Variants in PRELID2 observed in about 807,000 individuals in gnomAD.
PRELID2 encodes PRELI domain containing 2.
A neutral mutation model predicts 28.4 loss-of-function variants in PRELID2; 25 were observed. The observed-to-expected ratio is 0.88, with a 90% CI of 0.64 to 1.23. The LOEUF is 1.23. PRELID2 is among the 50% of genes most tolerant of loss of function. The probability of loss-of-function intolerance (pLI) is 0.00; values close to 1 mark genes in which losing one functional copy is unlikely to be tolerated. For missense variants in PRELID2, 201 were observed against 214.4 expected, an observed-to-expected ratio of 0.94 and a Z score of 0.39; for synonymous variants, 76 against 71.6, an observed-to-expected ratio of 1.06 and a Z score of -0.31.
intron 1 of PRELID2, among the ~76,000 whole-genome samples, chr5:145,650,843 C>T (rs539380799): frequency 1.2e-4 from 18 of 152,056 alleles, no homozygotes; most frequent in South Asian, 4.2e-4. Flanking sequence ...ATGCAGAAGA[C>T]GGATAATTTC....
At chr5:145,739,911 GT>G (rs1447464700) in intron 1 of PRELID2, among the ~76,000 whole-genome samples, 1 of 149,862 alleles carries the variant, frequency 6.7e-6, no homozygotes, top group African/African-American at 2.4e-5. Flanking sequence ...CCTAAAGAAA[GT>G]TTTTAAAAAA....
the PRELID2 span, among the ~76,000 whole-genome samples, chr5:145,326,895 T>C: frequency 5.0e-4 from 76 of 152,188 alleles, no homozygotes; most frequent in Non-Finnish European, 9.4e-4. Context: ...TCTAAGAGCA[T>C]AAAGAAGAAA....
the PRELID2 span, among the ~76,000 whole-genome samples, chr5:145,413,654 ATT>A: frequency 7.2e-6 from 1 of 138,750 alleles, no homozygotes; most frequent in East Asian, 2.0e-4. Context: ...ACACACACAC[ATT>A]ATTTATTATG....
the PRELID2 span, among the ~76,000 whole-genome samples, chr5:145,417,723 A>G: frequency 6.6e-6 from 1 of 152,164 alleles, no homozygotes; most frequent in Non-Finnish European, 1.5e-5. Context: ...CTCTCAATAA[A>G]CTGGATATTG....
the PRELID2 span, among the ~76,000 whole-genome samples, chr5:145,276,476 A>G: frequency 2.0e-5 from 3 of 152,286 alleles, no homozygotes; most frequent in African/African-American, 7.2e-5. Flanking sequence ...AATCCTTCAA[A>G]TATTGGTACT....
chr5:145,551,979 C>T (rs1396673837), intron 1 of PRELID2, among the ~76,000 whole-genome samples: 1 of 152,154 alleles, frequency 6.6e-6, no homozygotes, highest in Non-Finnish European at 1.5e-5. Flanking sequence ...ATGGACTGAA[C>T]CTCTCCTGAA....
At chr5:145,444,186 C>T in the PRELID2 span, among the ~76,000 whole-genome samples, 1 of 151,866 alleles carries the variant, frequency 6.6e-6, no homozygotes, top group African/African-American at 2.4e-5. Flanking sequence ...AAAATTGGCC[C>T]CTTGAGACTA....
the PRELID2 span, among the ~76,000 whole-genome samples, chr5:145,404,195 A>T: frequency 6.6e-5 from 10 of 152,198 alleles, no homozygotes; most frequent in African/African-American, 2.4e-4. Context: ...TGAGTAATAG[A>T]GCAAACACGG....
chr5:145,264,181 A>G, the PRELID2 span, among the ~76,000 whole-genome samples: 3 of 152,170 alleles, frequency 2.0e-5, no homozygotes, highest in African/African-American at 7.2e-5. Flanking sequence ...CAAAACCAGT[A>G]AAGGACATAA....
rs141759058 is a variant in PRELID2, at chr5:145,601,794, A to G, written n.71-128479T>C. On this transcript the variant is annotated intron_variant and non_coding_transcript_variant, in intron 1 of 2. Coordinates refer to the PRELID2 transcript ENST00000510259. ...GCAAGGATGTGAATATAAGTAACTT[A>G]TTGAGAGATAATCCTAGAAAACACA... Among the ~76,000 whole-genome samples, 320 of 152,322 alleles carry G rather than the reference A, an allele frequency of 2.1e-3. 2 individuals are homozygous for G. Among genetic ancestry groups the G allele is most frequent in the African/African-American group, 7.4e-3 (309 of 41,582 alleles).
chr5:145,576,604 C>T (rs920337798), intron 1 of PRELID2, among the ~76,000 whole-genome samples: 4 of 150,904 alleles, frequency 2.7e-5, no homozygotes, highest in African/African-American at 9.7e-5. Context: ...ACAATATCTA[C>T]ATGCAAAAAA....
chr5:145,540,789 T>C (rs1312449870), intron 1 of PRELID2, among the ~76,000 whole-genome samples: 2 of 151,560 alleles, frequency 1.3e-5, no homozygotes, highest in Non-Finnish European at 1.5e-5. Context: ...GTATGGATTA[T>C]GCTTGAAACC....
chr5:145,648,429 A>G (rs1754233954), intron 1 of PRELID2, among the ~76,000 whole-genome samples: 1 of 151,794 alleles, frequency 6.6e-6, no homozygotes, highest in African/African-American at 2.4e-5. Flanking sequence ...TAAATAATAA[A>G]ATAACAAAAC....
the PRELID2 span, among the ~76,000 whole-genome samples, chr5:145,263,389 T>C: frequency 0.24 from 36,672 of 151,900 alleles, 5,428 homozygotes; most frequent in Non-Finnish European, 0.31. Flanking sequence ...GTATCTTATT[T>C]TCATCAGCAC....
the PRELID2 span, among the ~76,000 whole-genome samples, chr5:145,320,369 C>G: frequency 2.6e-5 from 4 of 151,756 alleles, no homozygotes; most frequent in Non-Finnish European, 5.9e-5. Flanking sequence ...CTCACCGCTT[C>G]ACGCCATTCT....
intron 1 of PRELID2, among the ~76,000 whole-genome samples, chr5:145,481,650 AAAAGAAAG>A (rs1213931481): frequency 1.4e-4 from 16 of 117,878 alleles, no homozygotes; most frequent in African/African-American, 2.6e-4. Context: ...AAAAAAAAAA[AAAAGAAAG>A]AAAGAAAGAA....
Position 145,595,582 on chromosome 5 carries a change from C to A in PRELID2, n.71-122267G>T, listed in dbSNP as rs531900129. On this transcript the variant is annotated intron_variant and non_coding_transcript_variant, in intron 1 of 2. Coordinates refer to the PRELID2 transcript ENST00000510259. ...TGTCAGTATTGTAGTGTATGCCATA[C>A]CCTGGTCGTTAATGAATTCCATGTC... Among the ~76,000 whole-genome samples, 7 of 152,240 alleles carry A rather than the reference C, an allele frequency of 4.6e-5. No homozygotes were observed. The South Asian group carries it at 8.3e-4, about 18-fold the overall frequency.
the PRELID2 span, among the ~76,000 whole-genome samples, chr5:145,462,389 G>A: frequency 6.6e-6 from 1 of 152,214 alleles, no homozygotes; most frequent in South Asian, 2.1e-4. Context: ...TCATTGTTCA[G>A]TAAGAGTACA....
At chr5:145,667,174 G>C (rs1454207022) in intron 1 of PRELID2, among the ~76,000 whole-genome samples, 1 of 152,046 alleles carries the variant, frequency 6.6e-6, no homozygotes, top group East Asian at 1.9e-4. Context: ...TAAGAAGATT[G>C]TATGAATATT....
Sources: gnomAD v4.1 joint callset for allele counts (sites outside exome capture counted in the v4.1 genomes callset) on GRCh38, gnomAD v4.1.1 for gene constraint, MANE v1.5 for transcripts, NCBI Gene and HGNC (gene_info 2026-07-23, HGNC 2026-07-21) for gene names.